Variants in GRM5 observed in about 807,000 individuals in gnomAD.
The protein encoded by GRM5 is metabotropic glutamate receptor 5.
In GRM5, 19 loss-of-function variants were observed where a neutral mutation model predicts 83.1. That is an observed-to-expected ratio of 0.23 (90% confidence interval 0.16 to 0.34). The LOEUF is 0.34. Among genes scored for constraint, GRM5 ranks in the 10% least tolerant of loss-of-function variants. GRM5 has a pLI of 1.00. For missense variants in GRM5, 1,160 were observed against 1,588.3 expected (o/e 0.73, Z 4.58); for synonymous variants, 675 against 633.6 (o/e 1.07, Z -0.98).
At chr11:88,618,058 C>T (rs941945096) in intron 4 of GRM5, among the ~76,000 whole-genome samples, 8 of 152,254 alleles carry the variant, frequency 5.3e-5, no homozygotes, top group African/African-American at 1.7e-4. Flanking sequence ...GAACAATGCC[C>T]AGGGCTAAAG....
chr11:88,893,865 A>G (rs1019506089), intron 2 of GRM5, among the ~76,000 whole-genome samples: 1 of 151,950 alleles, frequency 6.6e-6, no homozygotes, highest in African/African-American at 2.4e-5. Context: ...CACTCCAGAG[A>G]GGGGAATGAT....
At chr11:88,781,228 A>G (rs1942969855) in intron 3 of GRM5, among the ~76,000 whole-genome samples, 1 of 151,654 alleles carries the variant, frequency 6.6e-6, no homozygotes, top group Non-Finnish European at 1.5e-5. Context: ...GAAAATAAGA[A>G]TGAAGGGAAA....
chr11:89,025,261 C>T (rs1459653460), intron 2 of GRM5, among the ~76,000 whole-genome samples: 1 of 152,158 alleles, frequency 6.6e-6, no homozygotes, highest in Non-Finnish European at 1.5e-5. Context: ...CTGGATCTGC[C>T]CTGGTGGCTG....
At chr11:88,592,322 C>G (rs184281272) in intron 6 of GRM5, among the ~76,000 whole-genome samples, 9 of 152,286 alleles carry the variant, frequency 5.9e-5, no homozygotes, top group African/African-American at 2.2e-4. Flanking sequence ...GTGTAGAACA[C>G]TCTAATAATG....
intron 3 of GRM5, among the ~76,000 whole-genome samples, chr11:88,778,560 G>C (rs1346870310): frequency 6.6e-6 from 1 of 152,144 alleles, no homozygotes; most frequent in Non-Finnish European, 1.5e-5. Flanking sequence ...ATGCAGACTG[G>C]AGCTGTTCCT....
intron 3 of GRM5, among the ~76,000 whole-genome samples, chr11:88,707,702 G>C (rs1941194175): frequency 6.6e-6 from 1 of 152,004 alleles, no homozygotes; most frequent in African/African-American, 2.4e-5. Flanking sequence ...GGATGACTGT[G>C]GCCAGCTAAT....
intron 3 of GRM5, among the ~76,000 whole-genome samples, chr11:88,743,558 T>C (rs776608987): frequency 9.2e-5 from 14 of 152,102 alleles, no homozygotes; most frequent in Non-Finnish European, 1.8e-4. Flanking sequence ...GACCTCCTCA[T>C]AGAAGGCATT....
intron 2 of GRM5, among the ~76,000 whole-genome samples, chr11:88,863,367 C>T (rs1944602387): frequency 6.9e-6 from 1 of 144,298 alleles, no homozygotes; most frequent in Non-Finnish European, 1.5e-5. Context: ...ACCCAAATGT[C>T]CATCAATGAT....
chr11:88,558,682 G>A (rs1942682776), intron 8 of GRM5, among the ~76,000 whole-genome samples: 1 of 150,710 alleles, frequency 6.6e-6, no homozygotes, highest in South Asian at 2.1e-4. Context: ...CGCGCTTATA[G>A]TCCCACAACT....
intron 8 of GRM5, among the ~76,000 whole-genome samples, chr11:88,530,993 G>A (rs765440781): frequency 1.3e-4 from 20 of 152,028 alleles, no homozygotes; most frequent in Non-Finnish European, 2.4e-4. Context: ...AATGATAGCC[G>A]GGCTTGGGAT....
At chr11:88,610,221 A>G (rs1285431118) in intron 4 of GRM5, among the ~76,000 whole-genome samples, 1 of 151,940 alleles carries the variant, frequency 6.6e-6, no homozygotes, top group African/African-American at 2.4e-5. Context: ...GATTCTGTAT[A>G]AATTTTAGGA....
At chr11:88,709,241 T>C (rs1324772174) in intron 3 of GRM5, among the ~76,000 whole-genome samples, 2 of 151,774 alleles carry the variant, frequency 1.3e-5, no homozygotes, top group Non-Finnish European at 2.9e-5. Flanking sequence ...TGCAAAGACA[T>C]AGCCATGTAA....
At chr11:88,590,399 A>C (rs1248790688) in intron 7 of GRM5, among the ~76,000 whole-genome samples, 1 of 152,198 alleles carries the variant, frequency 6.6e-6, no homozygotes, top group Non-Finnish European at 1.5e-5. Context: ...GAGTGAAGAC[A>C]GACATATAGG....
At chr11:88,573,625 G>T (rs764931476) in intron 7 of GRM5, among the ~76,000 whole-genome samples, 2 of 152,132 alleles carry the variant, frequency 1.3e-5, no homozygotes, top group Non-Finnish European at 2.9e-5. Flanking sequence ...ATATAAGATA[G>T]ATTATAAAAA....
chr11:88,686,631 G>A (rs2135352238), intron 3 of GRM5, among the ~76,000 whole-genome samples: 1 of 152,232 alleles, frequency 6.6e-6, no homozygotes, highest in African/African-American at 2.4e-5. Context: ...GAACTAGTGG[G>A]AGATAATTTG....
chr11:88,826,111 T>C (rs12283295), intron 3 of GRM5, among the ~76,000 whole-genome samples: 3,874 of 152,028 alleles, frequency 0.025, 173 homozygotes, highest in African/African-American at 0.089. Context: ...ATGCGGGAGG[T>C]CTTGAATGGT....
At chr11:88,641,012 A>G (rs2135286187) in intron 4 of GRM5, among the ~76,000 whole-genome samples, 1 of 152,238 alleles carries the variant, frequency 6.6e-6, no homozygotes, top group East Asian at 1.9e-4. Flanking sequence ...AATACTTGAG[A>G]CTGGGAACTT....
chr11:88,747,376 A>G (rs138259812), intron 3 of GRM5, among the ~76,000 whole-genome samples: 1 of 152,294 alleles, frequency 6.6e-6, no homozygotes, highest in East Asian at 1.9e-4. Flanking sequence ...GTAGATATAG[A>G]ACGAAGATAA....
intron 2 of GRM5, among the ~76,000 whole-genome samples, chr11:88,961,034 G>A (rs1369411764): frequency 6.6e-6 from 1 of 152,146 alleles, no homozygotes; most frequent in African/African-American, 2.4e-5. Flanking sequence ...ATCCAATGGT[G>A]TTCAACTTTG....
Sources: gnomAD v4.1 joint callset for allele counts (sites outside exome capture counted in the v4.1 genomes callset) on GRCh38, gnomAD v4.1.1 for gene constraint, MANE v1.5 for transcripts, NCBI Gene and HGNC (gene_info 2026-07-23, HGNC 2026-07-21) for gene names.